The following NOL10 variants were observed in gnomAD, a reference collection of about 807,000 sequenced individuals.
The protein encoded by NOL10 is nucleolar protein 10.
NOL10 carries 58 observed loss-of-function variants against 103.5 expected under a neutral mutation model. That is an observed-to-expected ratio of 0.56 (90% CI 0.45 to 0.70). The LOEUF is 0.70. Ranked by LOEUF, NOL10 falls within the 30% of genes least tolerant of loss-of-function variation. The pLI, the probability that NOL10 is intolerant of heterozygous loss-of-function variation, is 0.00. For synonymous variants in NOL10, 287 were observed against 282.5 expected, an observed-to-expected ratio of 1.02 and a Z score of -0.16; for missense variants, 763 against 807.3, an observed-to-expected ratio of 0.95 and a Z score of 0.67.
chr2:10,625,772 T>C (rs1002516837), intron 13 of NOL10, among the ~76,000 whole-genome samples: 4 of 152,112 alleles, frequency 2.6e-5, no homozygotes, highest in Admixed American at 2.6e-4. Flanking sequence ...AGCAAAAGGA[T>C]GGGTAGAAGA....
rs955049595 is a variant in NOL10 at position 10,689,914 on chromosome 2, A to T, written c.-53T>A. The T allele has an allele frequency of 7.1e-6, 11 of 1,539,632 alleles. No homozygotes were observed. The highest frequency in any genetic ancestry group is 8.8e-6 in the Non-Finnish European group (10 of 1,132,008). Reference sequence around the variant, plus strand: ...GGGTCCTTTCCCACCAGCGTGCTCGAGCACCGTAATCCCGGGACCTCCGAG... The same window carrying T: ...GGGTCCTTTCCCACCAGCGTGCTCGTGCACCGTAATCCCGGGACCTCCGAG... On this transcript the variant is annotated 5_prime_UTR_variant, in exon 1 of 21. Coordinates refer to ENST00000381685, the MANE Select transcript of NOL10 (RefSeq NM_024894.4).
intron 8 of NOL10, among the ~76,000 whole-genome samples, chr2:10,664,152 C>A (rs926750114): frequency 6.6e-6 from 1 of 151,596 alleles, no homozygotes; most frequent in Non-Finnish European, 1.5e-5. Context: ...CAGAACAGGC[C>A]GGGCATGGTG....
chr2:10,654,964 C>T (rs1679735789), intron 11 of NOL10, among the ~76,000 whole-genome samples: 1 of 152,040 alleles, frequency 6.6e-6, no homozygotes, highest in Non-Finnish European at 1.5e-5. Flanking sequence ...AATACCAGCA[C>T]TTTGGGAGGC....
chr2:10,685,424 C>CGGAG (rs1682090831), intron 1 of NOL10, among the ~76,000 whole-genome samples: 1 of 124,146 alleles, frequency 8.1e-6, no homozygotes, highest in East Asian at 2.8e-4. Flanking sequence ...ACCCGGGAGG[C>CGGAG]GGAGGTTGCA....
chr2:10,643,525 G>T (rs190345185), intron 13 of NOL10, among the ~76,000 whole-genome samples: 332 of 152,254 alleles, frequency 2.2e-3, no homozygotes, highest in African/African-American at 7.6e-3. Flanking sequence ...TTAAAGGGAA[G>T]GGTGGGAGCT....
chr2:10,588,884 C>T (rs999005455), intron 19 of NOL10, among the ~76,000 whole-genome samples, 159 bp downstream of exon 19: 1 of 152,188 alleles, frequency 6.6e-6, no homozygotes. Context: ...CCTCACATCA[C>T]CTCCTGCACG....
intron 9 of NOL10, 33 bp from the exon 10 acceptor site, chr2:10,659,283 T>C: frequency 2.4e-6 from 3 of 1,224,670 alleles, no homozygotes; most frequent in Non-Finnish European, 3.3e-6. Context: ...TTCATGAATA[T>C]ACGGCCAAAC....
chr2:10,597,305 C>G (rs755086632), intron 17 of NOL10, among the ~76,000 whole-genome samples: 1 of 152,146 alleles, frequency 6.6e-6, no homozygotes, highest in Non-Finnish European at 1.5e-5. Context: ...TATTTAGGAA[C>G]ACATTTCACT....
chr2:10,659,365 T>G (rs2148319270), intron 9 of NOL10, 115 bp from the exon 10 acceptor site: 36 of 578,004 alleles, frequency 6.2e-5, no homozygotes, highest in East Asian at 1.0e-4. Context: ...AGGAATCACA[T>G]TTCTAGGCTT....
chr2:10,673,347 A>G (rs1681077655), intron 5 of NOL10, 173 bp downstream of exon 5: 3 of 442,100 alleles, frequency 6.8e-6, no homozygotes, highest in African/African-American at 2.0e-5. Context: ...TATTAATATT[A>G]ATAAAAAATG....
intron 17 of NOL10, chr2:10,591,005 A>G (rs536122012): frequency 6.6e-6 from 1 of 152,362 alleles, no homozygotes; most frequent in South Asian, 2.1e-4. Flanking sequence ...AGTAAACAAG[A>G]TTGCAGGCAG....
intron 13 of NOL10, among the ~76,000 whole-genome samples, chr2:10,628,926 C>T (rs1002742734): frequency 6.6e-6 from 1 of 152,152 alleles, no homozygotes; most frequent in South Asian, 2.1e-4. Context: ...GGTAATTGAT[C>T]ACATAAACTG....
chr2:10,610,102 A>G (rs946067035), intron 13 of NOL10, among the ~76,000 whole-genome samples: 3 of 152,230 alleles, frequency 2.0e-5, no homozygotes, highest in African/African-American at 7.2e-5. Context: ...TACTGGGTAT[A>G]TGAATACTTC....
intron 17 of NOL10, among the ~76,000 whole-genome samples, chr2:10,594,774 T>C (rs1378316856): frequency 1.3e-5 from 2 of 152,120 alleles, no homozygotes; most frequent in Non-Finnish European, 2.9e-5. Context: ...GAGGATCTCT[T>C]GAGCTCAGGA....
chr2:10,645,707 T>A (rs1679016354), intron 12 of NOL10, among the ~76,000 whole-genome samples: 1 of 151,988 alleles, frequency 6.6e-6, no homozygotes, highest in African/African-American at 2.4e-5. Flanking sequence ...ATTTTTTGTA[T>A]TTTTAGTGGA....
intron 8 of NOL10, among the ~76,000 whole-genome samples, chr2:10,664,488 T>C (rs1472863770): frequency 6.6e-6 from 1 of 152,214 alleles, no homozygotes; most frequent in Admixed American, 6.5e-5. Flanking sequence ...GATGTGAATA[T>C]ACATGTACTA....
intron 13 of NOL10, among the ~76,000 whole-genome samples, chr2:10,607,822 T>C (rs567616106): frequency 5.3e-5 from 8 of 150,802 alleles, no homozygotes; most frequent in Non-Finnish European, 8.8e-5. Flanking sequence ...GGTCTTGAAC[T>C]CCTGAGTTCA....
intron 6 of NOL10, among the ~76,000 whole-genome samples, chr2:10,669,065 G>A (rs747604940): frequency 2.0e-5 from 3 of 151,952 alleles, no homozygotes; most frequent in Non-Finnish European, 4.4e-5. Context: ...TCTGGGTGGT[G>A]TAATTATGGC....
In NOL10 at chr2:10,667,252, G is replaced by A; in HGVS notation, c.557C>T (p.Ser186Leu). ...TCCTGTGGCAAACAAGCCATGCACT[G>A]AATTTATGTCACAAACATTATTCTC... ...AAENNVCDINSVHGLFATGTI... is the reference protein window; with the variant it reads ...AAENNVCDINLVHGLFATGTI... The change falls in exon 8 of 21, where the codon TCA becomes TTA. Residue 186 changes from serine (S) to leucine (L), a missense_variant. Transcript: ENST00000381685. 1.3e-6 allele frequency: 2 copies of A among 1,588,526 alleles called. No homozygotes were observed. The highest frequency in any genetic ancestry group is 1.7e-6 in the Non-Finnish European group (2 of 1,166,324).
Sources: gnomAD v4.1 joint callset for allele counts (sites outside exome capture counted in the v4.1 genomes callset) on GRCh38, gnomAD v4.1.1 for gene constraint, MANE v1.5 for transcripts, NCBI Gene and HGNC (gene_info 2026-07-23, HGNC 2026-07-21) for gene names.